The following PPP2R3B variants were observed in gnomAD, a reference collection of about 807,000 sequenced individuals.
PPP2R3B encodes the protein protein phosphatase 2 regulatory subunit B''beta.
PPP2R3B carries 68 observed loss-of-function variants against 72.9 expected under a neutral mutation model. The ratio of observed to expected loss-of-function variants is 0.93; its 90% CI spans 0.77 to 1.14. The LOEUF is 1.14. Ranked by LOEUF, PPP2R3B falls within the 50% of genes most tolerant of loss-of-function variation. PPP2R3B has a pLI of 0.00. For missense variants in PPP2R3B, 1,018 were observed against 842.0 expected (o/e 1.21, Z -2.59); for synonymous variants, 466 against 375.8 (o/e 1.24, Z -2.78).
At chrX:336,876 G>GC (rs199979289) in intron 12 of PPP2R3B, 47,012 of 152,086 alleles carry the variant, frequency 0.31, 7,604 homozygotes, top group East Asian at 0.39. Context: ...CATGGACTGG[G>GC]CCTCCTGCGG....
At chrX:383,876 A>T (rs1329537190) in intron 1 of PPP2R3B, among the ~76,000 whole-genome samples, 1 of 150,422 alleles carries the variant, frequency 6.6e-6, no homozygotes, top group Non-Finnish European at 1.5e-5. Flanking sequence ...AACCAAAAAA[A>T]CAAAAAAACA....
In PPP2R3B at chrX:347,618, C is replaced by T. The variant is rs199498513; in HGVS notation, c.586G>A (p.Val196Ile). ...CTCCACATGGCGACGAACTTGTGGA[C>T]GGACACGGAGCCCGTGCGCTCCCCG... ...AGGERTGSVS[V>I]HKFVAMWRKI... The change falls in exon 3 of 13, where the codon GTC becomes ATC. Residue 196 changes from valine to isoleucine, a missense_variant. Physicochemically the swap from Val to Ile is conservative, Grantham distance 29. Coordinates refer to ENST00000390665, the MANE Select transcript of PPP2R3B (RefSeq NM_013239.5). 530 of 1,579,622 alleles carry T rather than the reference C, an allele frequency of 3.4e-4. 4 individuals carry two copies. In the South Asian group the frequency reaches 3.6e-3, roughly 11 times the overall value.
chrX:380,701 C>G (rs958668197), intron 1 of PPP2R3B, among the ~76,000 whole-genome samples: 14 of 144,744 alleles, frequency 9.7e-5, no homozygotes, highest in African/African-American at 3.1e-4. Context: ...AGGAGACTCA[C>G]TTGAACTGCA....
At chrX:341,008 G>C in intron 9 of PPP2R3B, 68 bp from the exon 10 acceptor site, 2 of 1,567,216 alleles carry the variant, frequency 1.3e-6, no homozygotes, top group South Asian at 1.2e-5. Flanking sequence ...CAGCCCCTGA[G>C]GCAGCCCCCA....
chrX:364,506 TAA>T (rs748519595), intron 1 of PPP2R3B, among the ~76,000 whole-genome samples: 19 of 44,506 alleles, frequency 4.3e-4, no homozygotes, highest in African/African-American at 1.3e-3. Context: ...TCATCTCTAC[TAA>T]AAAAAAAAAA....
At chrX:382,196 C>CTT (rs769206203) in intron 1 of PPP2R3B, among the ~76,000 whole-genome samples, 4 of 130,070 alleles carry the variant, frequency 3.1e-5, no homozygotes, top group South Asian at 2.5e-4. Context: ...CTTTTTTTTT[C>CTT]TTTTTTTTTT....
intron 2 of PPP2R3B, among the ~76,000 whole-genome samples, chrX:348,489 T>C (rs2071268837): frequency 6.6e-6 from 1 of 150,642 alleles, no homozygotes; most frequent in Non-Finnish European, 1.5e-5. Context: ...GGCAGGAGAA[T>C]CACTTGATCC....
At chrX:346,283 G>A in intron 5 of PPP2R3B, 23 bp from the exon 6 acceptor site, 1 of 1,550,116 alleles carries the variant, frequency 6.5e-7, no homozygotes, top group Non-Finnish European at 8.7e-7. Context: ...TGTCAGTGCG[G>A]TGGGTGCGCA....
intron 12 of PPP2R3B, 67 bp from the exon 13 acceptor site, chrX:334,584 A>G: frequency 7.2e-7 from 1 of 1,380,912 alleles, no homozygotes; most frequent in South Asian, 1.6e-5. Flanking sequence ...TTTTCCGGGA[A>G]ACACAGGCTG....
At chrX:334,684 G>A (rs1482308127) in intron 12 of PPP2R3B, 167 bp from the exon 13 acceptor site, 33 of 808,828 alleles carry the variant, frequency 4.1e-5, no homozygotes, top group Middle Eastern at 3.9e-4. Context: ...GGCTGAGGAC[G>A]CCGGCTCCAC....
intron 1 of PPP2R3B, among the ~76,000 whole-genome samples, chrX:385,992 G>A (rs2072239524): frequency 6.6e-6 from 1 of 152,174 alleles, no homozygotes; most frequent in Non-Finnish European, 1.5e-5. Flanking sequence ...TGAGGCAGGA[G>A]AATCGCTTGA....
chrX:346,444 AG>A lies in PPP2R3B; in HGVS notation c.793-185del. The A allele has an allele frequency of 4.6e-6, 3 of 654,232 alleles. No individual in the cohort carries two copies. In the South Asian group the frequency reaches 6.0e-5, roughly 13 times the overall value. The allele number at this position is 654,232 out of a possible 1,614,324, so 40.5% of individuals were successfully genotyped here. On this transcript the variant is annotated intron_variant, in intron 5 of 12. Transcript: ENST00000390665. ...CCGCCCCAGGCCGCGGAAAGCGGGGAGGGTCTGGCCGGGGACGCCCCGGAGC... is the reference window on the plus strand; with the variant it reads ...CCGCCCCAGGCCGCGGAAAGCGGGGAGGTCTGGCCGGGGACGCCCCGGAGC...
chrX:338,569 A>G, intron 12 of PPP2R3B, 35 bp downstream of exon 12: 1 of 1,405,314 alleles, frequency 7.1e-7, no homozygotes, highest in Non-Finnish European at 9.6e-7. Flanking sequence ...CCTCCCACTG[A>G]CCCGTCCCCC....
At chrX:363,431 G>C (rs1402585412) in intron 1 of PPP2R3B, among the ~76,000 whole-genome samples, 96 of 122,862 alleles carry the variant, frequency 7.8e-4, no homozygotes, top group Admixed American at 1.1e-3. Context: ...CCGAGCCCGC[G>C]ATCCCACAAT....
intron 1 of PPP2R3B, among the ~76,000 whole-genome samples, chrX:368,707 C>G (rs1228719836): frequency 1.0e-5 from 1 of 100,208 alleles, no homozygotes; most frequent in African/African-American, 4.3e-5. Context: ...TGGGCACCGA[C>G]GGGGGGAAGG....
chrX:334,467 G>GAGCGC lies in PPP2R3B; in HGVS notation c.1623_1627dup (p.Ser543CysfsTer72). 6.3e-7 allele frequency: 1 copy of GAGCGC among 1,594,058 alleles called. No homozygotes were observed. Among genetic ancestry groups the GAGCGC allele is most frequent in the South Asian group, 1.1e-5 (1 of 89,646 alleles). On this transcript the variant is annotated frameshift_variant, in exon 13 of 13. Transcript: ENST00000390665. LOFTEE classifies it high-confidence loss of function. Reference sequence around the variant, plus strand: ...GAAGAAGGGCCTCTGGGCCAGCGGGGAGCGCAGCGCACTCAGCTTCTGCTC... The same window carrying GAGCGC: ...GAAGAAGGGCCTCTGGGCCAGCGGGGAGCGCAGCGCAGCGCACTCAGCTTCTGCTC...
In PPP2R3B at chrX:347,653, T is replaced by C. The variant is rs779089094; in HGVS notation, c.551A>G (p.Tyr184Cys). ...CPLYWKGPLF[Y>C]GAGGERTGSV... ...GCCCGTGCGCTCCCCGCCGGCGCCA[T>C]AGAAGAGCGGCCCCTTCCAGTAGAG... Residue 184 changes from tyrosine to cysteine, a missense_variant, in exon 3 of 13, where the codon TAT (tyrosine) becomes TGT (cysteine). Coordinates refer to ENST00000390665, the MANE Select transcript of PPP2R3B (RefSeq NM_013239.5). 1.0e-5 allele frequency: 16 copies of C among 1,568,118 alleles called. No individual in the cohort carries two copies. Among genetic ancestry groups the C allele is most frequent in the Admixed American group, 9.6e-5 (5 of 52,078 alleles).
chrX:347,766 C>T, intron 2 of PPP2R3B, 73 bp from the exon 3 acceptor site: 3 of 1,136,750 alleles, frequency 2.6e-6, no homozygotes, highest in Non-Finnish European at 3.7e-6. Context: ...TACCTCGCGC[C>T]TGACCGACGC....
rs1569369479 is a variant in PPP2R3B at position 334,333 on chromosome X, GAGCGGCCCCGC to G, written c.*23_*33del. 8 of 1,452,114 alleles carry G rather than the reference GAGCGGCCCCGC, an allele frequency of 5.5e-6. No individual in the cohort carries two copies. Among genetic ancestry groups the G allele is most frequent in the Non-Finnish European group, 6.3e-6 (7 of 1,108,084 alleles). 90.0% of individuals were successfully genotyped at this position (1,452,114 alleles called of 1,614,324 possible). A position where few individuals can be genotyped will look rare whatever the true frequency, so the allele number is the denominator to read the frequency against. ...CGGTGGCCCGGTGGTGGCACGTGGG[GAGCGGCCCCGC>G]GGCGGCGTTCTCGCGGGCGGCGTCA... On this transcript the variant is annotated 3_prime_UTR_variant, in exon 13 of 13. Coordinates refer to ENST00000390665, the MANE Select transcript of PPP2R3B (RefSeq NM_013239.5).
Sources: allele counts gnomAD v4.1 joint callset (sites outside exome capture counted in the v4.1 genomes callset), GRCh38; gene constraint gnomAD v4.1.1; transcripts MANE v1.5; gene names NCBI Gene and HGNC (gene_info 2026-07-23, HGNC 2026-07-21).